The following CCP110 variants were observed in gnomAD, a reference collection of about 807,000 sequenced individuals.
CCP110 encodes the protein centriolar coiled-coil protein 110, also known as centriolar coiled-coil protein of 110 kDa.
Under a neutral mutation model 105.5 loss-of-function variants are expected in CCP110, and 43 were observed. That is an observed-to-expected ratio of 0.41 (90% CI 0.32 to 0.53). The LOEUF is 0.53. CCP110 is among the 20% of genes least tolerant of loss of function. The pLI is 0.32. For missense variants in CCP110, 1,016 were observed against 1,189.1 expected, an observed-to-expected ratio of 0.85 and a Z score of 2.14; for synonymous variants, 353 against 392.1, an observed-to-expected ratio of 0.90 and a Z score of 1.18.
chr16:19,529,718 G>T (rs1969796465), intron 2 of CCP110, among the ~76,000 whole-genome samples: 1 of 152,014 alleles, frequency 6.6e-6, no homozygotes, highest in Non-Finnish European at 1.5e-5. Context: ...CACATCTTAA[G>T]AAAACTAATA....
exon 4 of CCP110, chr16:19,536,072 A>G (rs1317258550): frequency 5.6e-6 from 9 of 1,614,088 alleles, no homozygotes; most frequent in East Asian, 2.2e-5. Context: ...GGAACACTCT[A>G]CTGCAGCAAA....
chr16:19,550,862 G>A (rs184246309), intron 14 of CCP110, among the ~76,000 whole-genome samples: 5 of 152,162 alleles, frequency 3.3e-5, no homozygotes. Flanking sequence ...TGCTTGACTA[G>A]AGTTTATATA....
At chr16:19,543,504 G>T (rs1165253653) in intron 8 of CCP110, among the ~76,000 whole-genome samples, 6 of 152,096 alleles carry the variant, frequency 3.9e-5, no homozygotes, top group Admixed American at 3.3e-4. Context: ...ACTTGAAAAA[G>T]AACAGAATAA....
At chr16:19,537,614 C>A in intron 4 of CCP110, 27 bp downstream of exon 4, 2 of 1,271,416 alleles carry the variant, frequency 1.6e-6, no homozygotes, top group Non-Finnish European at 1.1e-6. Context: ...GCGTTTGATA[C>A]CTTCTATGCA....
exon 4 of CCP110, chr16:19,537,310 A>G: frequency 6.2e-7 from 1 of 1,614,186 alleles, no homozygotes; most frequent in Non-Finnish European, 8.5e-7. Flanking sequence ...CTTATGATGT[A>G]AAAAACCCTT....
At chr16:19,531,406 A>T (rs1028760140) in intron 2 of CCP110, among the ~76,000 whole-genome samples, 15 of 152,188 alleles carry the variant, frequency 9.9e-5, no homozygotes, top group Admixed American at 5.2e-4. Flanking sequence ...CAGTGATTTA[A>T]TTTCCCAGGA....
At chr16:19,537,260 T>G in exon 4 of CCP110, 1 of 1,614,126 alleles carries the variant, frequency 6.2e-7, no homozygotes, top group Non-Finnish European at 8.5e-7. Context: ...AGCCAGTATG[T>G]TAGAGAAAAA....
At chr16:19,546,801 G>T in intron 12 of CCP110, 2 of 146,690 alleles carry the variant, frequency 1.4e-5, no homozygotes, top group Admixed American at 7.2e-5. Context: ...GGCAACAAGA[G>T]TGAAACTCTA....
chr16:19,541,208 C>T (rs773554547), intron 5 of CCP110, among the ~76,000 whole-genome samples: 19 of 151,358 alleles, frequency 1.3e-4, no homozygotes, highest in East Asian at 1.9e-4. Flanking sequence ...GCTATGATTT[C>T]GCCTTTGTCT....
exon 4 of CCP110, chr16:19,536,378 G>C: frequency 3.7e-6 from 6 of 1,612,532 alleles, no homozygotes; most frequent in Non-Finnish European, 5.1e-6. Context: ...AAAGTCAAAG[G>C]AATATATAGA....
At chr16:19,545,231 T>A in intron 10 of CCP110, 21 bp downstream of exon 10, 1 of 1,373,290 alleles carries the variant, frequency 7.3e-7, no homozygotes. Context: ...TGATTTCTAA[T>A]GAATAGAGTT....
chr16:19,550,137 G>A (rs1970588019), intron 14 of CCP110, among the ~76,000 whole-genome samples: 1 of 151,522 alleles, frequency 6.6e-6, no homozygotes, highest in Non-Finnish European at 1.5e-5. Flanking sequence ...ACAATTGAAA[G>A]AAACTAAATA....
exon 15 of CCP110, chr16:19,553,048 G>A (rs1970690989): frequency 6.6e-6 from 1 of 152,204 alleles, no homozygotes; most frequent in Non-Finnish European, 1.5e-5. Context: ...GGTCTCTCCA[G>A]TAAGAAAGAT....
rs1219980633 is a variant in CCP110, at chr16:19,548,974, C to A, written c.2986+374C>A. Among the ~76,000 whole-genome samples the A allele has an allele frequency of 6.6e-6, 1 of 152,144 alleles. No individual in the cohort carries two copies. The highest frequency in any genetic ancestry group is 1.5e-5 in the Non-Finnish European group (1 of 68,038). Reference sequence around the variant, plus strand: ...TTCAGCTTGGGGAAGTGTATCTGCACATAAGGGGATAAACTTTCTCCCTCA... The same window carrying A: ...TTCAGCTTGGGGAAGTGTATCTGCAAATAAGGGGATAAACTTTCTCCCTCA... On this transcript the variant is annotated intron_variant, in intron 14 of 14. Coordinates refer to ENST00000381396, the Ensembl canonical transcript of CCP110. This position sits in a 1 kb window ranked among gnomAD's most constrained non-coding sequence, Gnocchi z 4.1.
intron 2 of CCP110, among the ~76,000 whole-genome samples, chr16:19,531,933 T>G (rs1969884400): frequency 6.9e-6 from 1 of 144,364 alleles, no homozygotes; most frequent in Admixed American, 7.2e-5. Flanking sequence ...ACCACTGCAC[T>G]CCAGCCTAGG....
At chr16:19,527,092 C>T (rs895511792) in intron 1 of CCP110, 5 of 152,166 alleles carry the variant, frequency 3.3e-5, no homozygotes, top group Non-Finnish European at 5.9e-5. Flanking sequence ...TTCCCAGAAA[C>T]TGTGAAATTA....
intron 4 of CCP110, 26 bp from the exon 5 acceptor site, chr16:19,540,631 A>T (rs1459533008): frequency 1.1e-5 from 17 of 1,595,826 alleles, no homozygotes; most frequent in Non-Finnish European, 1.5e-5. Context: ...GAATTTTCTA[A>T]ATTGAGGAAA....
At chr16:19,536,607 G>A (rs1336756343) in exon 4 of CCP110, 1 of 1,614,156 alleles carries the variant, frequency 6.2e-7, no homozygotes, top group South Asian at 1.1e-5. Flanking sequence ...AGCAGCATGA[G>A]TATGCCAGTT....
At chr16:19,525,637 C>T (rs1412189699) in intron 1 of CCP110, 1 of 152,118 alleles carries the variant, frequency 6.6e-6, no homozygotes, top group Non-Finnish European at 1.5e-5. Context: ...GGTGTATAGT[C>T]CGCCTTCTTT....
Sources: allele counts gnomAD v4.1 joint callset (sites outside exome capture counted in the v4.1 genomes callset), GRCh38; gene constraint gnomAD v4.1.1; non-coding constraint Gnocchi (gnomAD v3.1); transcripts MANE v1.5; gene names NCBI Gene and HGNC (gene_info 2026-07-23, HGNC 2026-07-21).